Variants in CNTN6 observed in about 807,000 individuals in gnomAD.
CNTN6 encodes the protein contactin-6.
CNTN6 carries 137 observed loss-of-function variants against 122.8 expected under a neutral mutation model. The observed-to-expected ratio is 1.12, with a 90% CI of 0.97 to 1.29. The LOEUF (loss-of-function observed/expected upper bound fraction) is 1.29, where lower values mean the gene tolerates loss of function less well. CNTN6 is among the 50% of genes most tolerant of loss of function. The pLI is 0.00. For missense variants in CNTN6, 1,634 were observed against 1,223.4 expected (o/e 1.34, Z -5.01); for synonymous variants, 570 against 426.0 (o/e 1.34, Z -4.16).
rs138322652 is a variant in CNTN6 at position 1,253,914 on chromosome 3, C to G, written c.359-24499C>G. Among the ~76,000 whole-genome samples, 353 of 152,176 alleles carry G rather than the reference C, an allele frequency of 2.3e-3. 1 individual carries two copies. Among genetic ancestry groups the G allele is most frequent in the African/African-American group, 8.0e-3 (330 of 41,502 alleles). ...CTCTTTATCCAAAACAACCATAAGT[C>G]TATTATATAAAAATAATGTATGTAT... is the stretch of plus-strand genomic sequence containing the variant. On this transcript the variant is annotated intron_variant, in intron 4 of 22. Transcript: ENST00000446702.
intron 2 of CNTN6, among the ~76,000 whole-genome samples, chr3:1,194,462 C>T (rs958228510): frequency 6.6e-6 from 1 of 151,936 alleles, no homozygotes; most frequent in Non-Finnish European, 1.5e-5. Flanking sequence ...ACATATAAAT[C>T]AGAAAAATGA....
At chr3:1,287,803 G>C (rs973270524) in intron 5 of CNTN6, among the ~76,000 whole-genome samples, 1 of 152,172 alleles carries the variant, frequency 6.6e-6, no homozygotes, top group Non-Finnish European at 1.5e-5. Context: ...ACTTCTAGAA[G>C]CTACCCAATA....
At chr3:1,289,826 C>T (rs1168890901) in intron 5 of CNTN6, among the ~76,000 whole-genome samples, 2 of 152,014 alleles carry the variant, frequency 1.3e-5, no homozygotes, top group African/African-American at 2.4e-5. Context: ...AGGTGCCCAA[C>T]ACCACGCCCA....
intron 7 of CNTN6, among the ~76,000 whole-genome samples, chr3:1,300,495 A>AAGGAAG (rs1559754225): frequency 4.4e-5 from 5 of 114,048 alleles, no homozygotes; most frequent in Non-Finnish European, 1.9e-5. Flanking sequence ...AAGGAAGGAA[A>AAGGAAG]AAGAAAAGAA....
intron 5 of CNTN6, among the ~76,000 whole-genome samples, chr3:1,289,993 A>G (rs1695044978): frequency 6.6e-6 from 1 of 152,068 alleles, no homozygotes; most frequent in Non-Finnish European, 1.5e-5. Context: ...ATTTTTATCA[A>G]TGATTTCCAA....
intron 2 of CNTN6, among the ~76,000 whole-genome samples, chr3:1,178,702 G>C (rs534221426): frequency 2.6e-5 from 4 of 152,282 alleles, no homozygotes; most frequent in African/African-American, 4.8e-5. Flanking sequence ...CCTAAGAATA[G>C]GCATGTTTTT....
intron 17 of CNTN6, among the ~76,000 whole-genome samples, chr3:1,379,052 C>A (rs1283297260): frequency 6.6e-6 from 1 of 152,096 alleles, no homozygotes; most frequent in Non-Finnish European, 1.5e-5. Flanking sequence ...TTTTGCCTGA[C>A]TTAATAACTT....
chr3:1,178,517 A>G (rs569006835), intron 2 of CNTN6, among the ~76,000 whole-genome samples: 1 of 152,252 alleles, frequency 6.6e-6, no homozygotes, highest in East Asian at 1.9e-4. Flanking sequence ...AATTAGAGTT[A>G]TTTCAAATTC....
chr3:1,233,548 A>G (rs944266377), intron 4 of CNTN6, among the ~76,000 whole-genome samples: 1 of 151,970 alleles, frequency 6.6e-6, no homozygotes, highest in African/African-American at 2.4e-5. Flanking sequence ...AGCCTGGCCA[A>G]CATAGTGAAA....
At chr3:1,244,784 C>T (rs2094537426) in intron 4 of CNTN6, among the ~76,000 whole-genome samples, 1 of 151,748 alleles carries the variant, frequency 6.6e-6, no homozygotes, top group Admixed American at 6.6e-5. Flanking sequence ...TGGAAAATTA[C>T]AGTCAAAGGG....
intron 20 of CNTN6, among the ~76,000 whole-genome samples, chr3:1,392,595 A>T (rs1381566586): frequency 6.8e-6 from 1 of 146,956 alleles, no homozygotes; most frequent in South Asian, 2.2e-4. Context: ...ACAGCAAAAG[A>T]AACTACCATC....
intron 2 of CNTN6, among the ~76,000 whole-genome samples, chr3:1,203,149 AT>A (rs1385805351): frequency 2.6e-5 from 4 of 152,204 alleles, no homozygotes; most frequent in African/African-American, 9.7e-5. Context: ...GAAAATATAC[AT>A]TTATTTCTAA....
chr3:1,209,072 A>C (rs2093997393), intron 2 of CNTN6, among the ~76,000 whole-genome samples: 1 of 152,168 alleles, frequency 6.6e-6, no homozygotes. Flanking sequence ...AATATATGCT[A>C]ATGAACTCTT....
Position 1,383,034 on chromosome 3 carries a change from G to GTA in CNTN6, c.2260_2261insAT (p.Ser754TyrfsTer37). On this transcript the variant is annotated frameshift_variant, in exon 18 of 23. Transcript: ENST00000446702. LOFTEE classifies it high-confidence loss of function. ...CGACAACCTGGTCCAAGGAGAAAGT[G>GTA]TCATCTGTGGAATCATCAAGGTTTG... 3 of 1,613,748 alleles carry GTA rather than the reference G, an allele frequency of 1.9e-6. No individual in the cohort carries two copies. Among genetic ancestry groups the GTA allele is most frequent in the South Asian group, 1.1e-5 (1 of 91,078 alleles).
In CNTN6 at chr3:1,188,452, A is replaced by G. The variant is rs200754729; in HGVS notation, c.56-32235A>G. On this transcript the variant is annotated intron_variant, in intron 2 of 22. Coordinates refer to ENST00000446702, the MANE Select transcript of CNTN6 (RefSeq NM_001289080.2). ...GTTGATAATGCAATTATATTTTTTA[A>G]AAGTTTACATTGTAATTGCTTTAGA... 2.0e-4 allele frequency among the ~76,000 whole-genome samples: 30 copies of G among 152,312 alleles called. No individual in the cohort carries two copies. In the East Asian group the frequency reaches 5.6e-3, roughly 28 times the overall value.
chr3:1,138,414 A>AT (rs1392093941), intron 1 of CNTN6, among the ~76,000 whole-genome samples: 1 of 152,062 alleles, frequency 6.6e-6, no homozygotes, highest in African/African-American at 2.4e-5. Flanking sequence ...CTCCTACCCA[A>AT]TATATTTAAG....
At chr3:1,399,033 A>G (rs1445558456) in intron 20 of CNTN6, among the ~76,000 whole-genome samples, 2 of 152,066 alleles carry the variant, frequency 1.3e-5, no homozygotes, top group Admixed American at 1.3e-4. Context: ...TAGCCAGTTG[A>G]TTTTTTCAAT....
intron 4 of CNTN6, among the ~76,000 whole-genome samples, chr3:1,240,648 G>A (rs574199902): frequency 7.3e-5 from 11 of 151,150 alleles, no homozygotes; most frequent in South Asian, 4.2e-4. Flanking sequence ...TAGATCTACC[G>A]TTTGATCCAG....
intron 2 of CNTN6, among the ~76,000 whole-genome samples, chr3:1,183,769 G>A (rs1008589061): frequency 1.3e-5 from 2 of 151,990 alleles, no homozygotes; most frequent in African/African-American, 4.8e-5. Context: ...CATTTATTAT[G>A]TCACCTTTTC....
Sources: gnomAD v4.1 joint callset for allele counts (sites outside exome capture counted in the v4.1 genomes callset) on GRCh38, gnomAD v4.1.1 for gene constraint, MANE v1.5 for transcripts, NCBI Gene and HGNC (gene_info 2026-07-23, HGNC 2026-07-21) for gene names.